The following TSPAN9 variants were observed in gnomAD, a reference collection of about 807,000 sequenced individuals.
TSPAN9 encodes the protein tetraspanin-9.
In TSPAN9, 16 loss-of-function variants were observed where a neutral mutation model predicts 31.0. That is an observed-to-expected ratio of 0.52 (90% CI 0.35 to 0.78). The LOEUF is 0.78. Among genes scored for constraint, TSPAN9 ranks in the 30% least tolerant of loss-of-function variants. The probability of loss-of-function intolerance (pLI) is 0.01; values close to 1 mark genes in which losing one functional copy is unlikely to be tolerated. For synonymous variants in TSPAN9, 145 were observed against 121.6 expected, an observed-to-expected ratio of 1.19 and a Z score of -1.27; for missense variants, 272 against 312.5, an observed-to-expected ratio of 0.87 and a Z score of 0.98.
intron 2 of TSPAN9, among the ~76,000 whole-genome samples, chr12:3,158,202 G>T (rs866562160): frequency 3.2e-4 from 49 of 152,258 alleles, no homozygotes; most frequent in African/African-American, 1.2e-3. Flanking sequence ...ATCCCCTGGG[G>T]CTTGCTTTGT....
intron 2 of TSPAN9, among the ~76,000 whole-genome samples, chr12:3,089,399 C>G (rs547220257): frequency 1.4e-5 from 2 of 147,506 alleles, no homozygotes; most frequent in Non-Finnish European, 3.0e-5. Context: ...CTAGTTCAAG[C>G]GATTCTCCTG....
chr12:3,253,242 A>G (rs191398423), intron 3 of TSPAN9, among the ~76,000 whole-genome samples: 1 of 152,354 alleles, frequency 6.6e-6, no homozygotes, highest in East Asian at 1.9e-4. Context: ...CCAAATAAAA[A>G]GACGATAGGA....
rs558070060 is a variant in TSPAN9 at position 3,170,058 on chromosome 12, C to T, written c.-17-31119C>T. Among the ~76,000 whole-genome samples the T allele has an allele frequency of 7.0e-4, 107 of 152,232 alleles. No individual in the cohort carries two copies. The highest frequency in any genetic ancestry group is 1.3e-3 in the Non-Finnish European group (91 of 68,012). The stretch of plus-strand genomic sequence containing the variant: ...CTCATCTCTGCTACTTTCTGGCTGC[C>T]GTGACCTTGAGCAAGTCCCTTTACT... On this transcript the variant is annotated intron_variant, in intron 2 of 8. Coordinates refer to ENST00000011898, the MANE Select transcript of TSPAN9 (RefSeq NM_006675.5). The surrounding 1 kb of genome is among the most constrained non-coding windows in gnomAD (Gnocchi z 4.4).
intron 2 of TSPAN9, among the ~76,000 whole-genome samples, chr12:3,180,218 T>TAA (rs2098357956): frequency 1.3e-4 from 20 of 152,188 alleles, no homozygotes; most frequent in Admixed American, 1.3e-3. Context: ...GTTTTATTTT[T>TAA]AAAAAATACT....
At chr12:3,255,196 A>C (rs1862323164) in intron 3 of TSPAN9, among the ~76,000 whole-genome samples, 1 of 152,176 alleles carries the variant, frequency 6.6e-6, no homozygotes, top group South Asian at 2.1e-4. Flanking sequence ...TTCCGGCCTG[A>C]CTCTGTCTGT....
intron 3 of TSPAN9, among the ~76,000 whole-genome samples, chr12:3,249,824 A>C (rs115998689): frequency 0.021 from 3,245 of 152,264 alleles, 95 homozygotes; most frequent in African/African-American, 0.068. Flanking sequence ...TGAACTCTGG[A>C]TGTCAGACTC....
intron 2 of TSPAN9, among the ~76,000 whole-genome samples, chr12:3,198,691 GTCA>G (rs1565610520): frequency 2.2e-4 from 13 of 58,050 alleles, no homozygotes; most frequent in South Asian, 6.8e-4. Context: ...ACCAGCACAG[GTCA>G]CCACCAGCAC....
chr12:3,255,860 A>G (rs1862335455), intron 3 of TSPAN9, among the ~76,000 whole-genome samples: 1 of 152,214 alleles, frequency 6.6e-6, no homozygotes. Context: ...GATTTGGTAG[A>G]GACGTAGATC....
intron 3 of TSPAN9, chr12:3,215,253 T>C (rs2098380768): frequency 6.6e-6 from 1 of 152,270 alleles, no homozygotes; most frequent in African/African-American, 2.4e-5. Context: ...GGGGTGTCCG[T>C]GCACCAGCGC....
intron 2 of TSPAN9, among the ~76,000 whole-genome samples, chr12:3,108,049 T>C (rs538611040): frequency 6.6e-6 from 1 of 152,126 alleles, no homozygotes; most frequent in South Asian, 2.1e-4. Context: ...CTCCACTAAC[T>C]AAGCGTTCCC....
At chr12:3,174,668 C>T (rs1252758055) in intron 2 of TSPAN9, among the ~76,000 whole-genome samples, 8 of 152,082 alleles carry the variant, frequency 5.3e-5, no homozygotes, top group Non-Finnish European at 7.4e-5. Context: ...CTGCAAGCTC[C>T]GCCTCCCGGG....
chr12:3,105,754 ACACG>A (rs1360101475), intron 2 of TSPAN9, among the ~76,000 whole-genome samples: 10 of 91,576 alleles, frequency 1.1e-4, no homozygotes, highest in African/African-American at 2.7e-4. Flanking sequence ...ACACTCACAC[ACACG>A]CACACACGCG....
chr12:3,229,756 A>C (rs1382562190), intron 3 of TSPAN9, among the ~76,000 whole-genome samples: 1 of 103,656 alleles, frequency 9.6e-6, no homozygotes. Context: ...CCTGCCAGGC[A>C]CAGCTGGGGC....
intron 2 of TSPAN9, among the ~76,000 whole-genome samples, chr12:3,119,942 T>G (rs1333365775): frequency 1.3e-5 from 2 of 152,158 alleles, no homozygotes; most frequent in African/African-American, 4.8e-5. Flanking sequence ...GCTGGCTGTG[T>G]GACCATGTGC....
At position 3,170,318 on chromosome 12, in the gene TSPAN9, C is replaced by T. The variant is rs1319451351; in HGVS notation, c.-17-30859C>T. 2.6e-5 allele frequency among the ~76,000 whole-genome samples: 4 copies of T among 152,122 alleles called. No individual in the cohort carries two copies. The highest frequency in any genetic ancestry group is 4.4e-5 in the Non-Finnish European group (3 of 68,030). ...TCCATGGAGACAGATTTTGCAGTTA[C>T]TCCAGTTTTATACCTATAGCCCAAA... On this transcript the variant is annotated intron_variant, in intron 2 of 8. Transcript: ENST00000011898. The surrounding 1 kb of genome is among the most constrained non-coding windows in gnomAD (Gnocchi z 4.4).
chr12:3,178,472 G>A (rs1243772339), intron 2 of TSPAN9, among the ~76,000 whole-genome samples: 2 of 152,044 alleles, frequency 1.3e-5, no homozygotes, highest in African/African-American at 4.8e-5. Flanking sequence ...TGTATTTTTA[G>A]TAGAGATGTG....
At position 3,147,397 on chromosome 12, in the gene TSPAN9, A is replaced by C. The variant is rs1247181129; in HGVS notation, c.-17-53780A>C. Among the ~76,000 whole-genome samples the C allele has an allele frequency of 2.0e-5, 3 of 152,132 alleles. No individual in the cohort carries two copies. The highest frequency in any genetic ancestry group is 2.9e-5 in the Non-Finnish European group (2 of 68,014). On this transcript the variant is annotated intron_variant, in intron 2 of 8. Coordinates refer to ENST00000011898, the MANE Select transcript of TSPAN9 (RefSeq NM_006675.5). The surrounding 1 kb of genome is among the most constrained non-coding windows in gnomAD (Gnocchi z 4.3). ...GTTGGGGCCCGGGAGACCCTCGCCG[A>C]GGAGCAAGGTTGGTGGTGGGCATGC...
At chr12:3,174,726 G>A (rs1176041338) in intron 2 of TSPAN9, among the ~76,000 whole-genome samples, 7 of 147,912 alleles carry the variant, frequency 4.7e-5, no homozygotes, top group African/African-American at 1.7e-4. Flanking sequence ...GGGACTACAG[G>A]CGCCCACCAC....
intron 3 of TSPAN9, among the ~76,000 whole-genome samples, chr12:3,205,718 G>GCC (rs60604328): frequency 0.06 from 5,991 of 100,278 alleles, 163 homozygotes; most frequent in African/African-American, 0.094. Flanking sequence ...AGGCACTTAG[G>GCC]CCCCCCCCCC....
Sources: gnomAD v4.1 joint callset for allele counts (sites outside exome capture counted in the v4.1 genomes callset) on GRCh38, gnomAD v4.1.1 for gene constraint, Gnocchi (gnomAD v3.1) non-coding constraint, MANE v1.5 for transcripts, NCBI Gene and HGNC (gene_info 2026-07-23, HGNC 2026-07-21) for gene names.